Variants in PRRC2C observed in about 807,000 individuals in gnomAD.
The protein encoded by PRRC2C is proline rich coiled-coil 2C, also known as protein PRRC2C.
In PRRC2C, 72 loss-of-function variants were observed where a neutral mutation model predicts 317.2. That is an observed-to-expected ratio of 0.23 (90% confidence interval 0.19 to 0.28). PRRC2C has a LOEUF of 0.28. PRRC2C is among the 10% of genes least tolerant of loss of function. PRRC2C has a pLI of 1.00. For missense variants in PRRC2C, 3,074 were observed against 3,459.7 expected (o/e 0.89, Z 2.80); for synonymous variants, 1,296 against 1,205.9 (o/e 1.07, Z -1.55).
intron 15 of PRRC2C, among the ~76,000 whole-genome samples, chr1:171,538,493 A>C (rs1677283104): frequency 6.6e-6 from 1 of 152,230 alleles, no homozygotes; most frequent in African/African-American, 2.4e-5. Context: ...ATTTATAGCC[A>C]TACAGTTGGA....
intron 11 of PRRC2C, among the ~76,000 whole-genome samples, chr1:171,529,384 A>T (rs1048246699): frequency 6.6e-6 from 1 of 152,136 alleles, no homozygotes; most frequent in Non-Finnish European, 1.5e-5. Context: ...AATATGTCCA[A>T]ACCATAACAC....
At chr1:171,567,912 C>T (rs917911646) in intron 22 of PRRC2C, among the ~76,000 whole-genome samples, 1 of 152,202 alleles carries the variant, frequency 6.6e-6, no homozygotes, top group Admixed American at 6.5e-5. Flanking sequence ...TTTGGCCAGG[C>T]GTGGTGGCTC....
At chr1:171,508,615 C>G (rs1186671828) in intron 1 of PRRC2C, among the ~76,000 whole-genome samples, 1 of 152,166 alleles carries the variant, frequency 6.6e-6, no homozygotes, top group Non-Finnish European at 1.5e-5. Flanking sequence ...ATCGGATGTT[C>G]TATAACCCTG....
At chr1:171,572,975 TTA>T (rs1685037458) in intron 24 of PRRC2C, among the ~76,000 whole-genome samples, 1 of 152,196 alleles carries the variant, frequency 6.6e-6, no homozygotes, top group South Asian at 2.1e-4. Flanking sequence ...CATAGAAAAG[TTA>T]TATTACACAG....
At chr1:171,489,152 T>C (rs988365565) in intron 1 of PRRC2C, among the ~76,000 whole-genome samples, 3 of 152,162 alleles carry the variant, frequency 2.0e-5, no homozygotes, top group African/African-American at 7.2e-5. Flanking sequence ...CACAAAAGAA[T>C]AGACCCACAA....
chr1:171,512,895 C>G, intron 2 of PRRC2C, 100 bp from the exon 3 acceptor site: 1 of 1,033,640 alleles, frequency 9.7e-7, no homozygotes. Flanking sequence ...GAAAATCATT[C>G]AGGGATTGCA....
chr1:171,547,398 T>G (rs1679313412), intron 17 of PRRC2C, among the ~76,000 whole-genome samples: 1 of 152,114 alleles, frequency 6.6e-6, no homozygotes, highest in African/African-American at 2.4e-5. Context: ...ACACACACAT[T>G]TTAGTGTAAG....
chr1:171,498,955 A>T lies in PRRC2C; in HGVS notation c.-57-13077A>T, dbSNP rs563272201. 2.6e-5 allele frequency among the ~76,000 whole-genome samples: 4 copies of T among 151,932 alleles called. 1 individual carries two copies. The highest frequency in any genetic ancestry group is 9.7e-5 in the African/African-American group (4 of 41,424). ...TAGCTGGGACGGGGACTATAAACAT[A>T]CTCTACCATACCTGGCCAATTGTTC... On this transcript the variant is annotated intron_variant, in intron 1 of 34. Transcript: ENST00000647382.
At chr1:171,524,695 T>C in intron 9 of PRRC2C, 126 bp from the exon 10 acceptor site, 1 of 961,806 alleles carries the variant, frequency 1.0e-6, no homozygotes, top group Admixed American at 3.2e-5. Flanking sequence ...CACACACCCA[T>C]CTCATTCCTT....
rs759651471 is a variant in PRRC2C at position 171,517,787 on chromosome 1, C to A, written c.723C>A (p.Ser241=). 2.5e-6 allele frequency: 4 copies of A among 1,613,326 alleles called. No homozygotes were observed. Among genetic ancestry groups the A allele is most frequent in the Non-Finnish European group, 3.4e-6 (4 of 1,179,850 alleles). ...KLNGQQAALA[S]QYRAMMPPYM... ...ATGGACAGCAGGCTGCTCTCGCTTC[C>A]CAGTATAGAGCTATGATGCCTCCTT... The change falls in exon 6 of 35, where the codon TCC becomes TCA. Residue 241 remains serine, a synonymous_variant. Transcript: ENST00000647382.
At position 171,593,098 on chromosome 1, in the gene PRRC2C, T is replaced by G. The variant is rs2102921351; in HGVS notation, c.*1251T>G. 6.6e-6 allele frequency: 1 copy of G among 152,126 alleles called. No individual in the cohort carries two copies. Among genetic ancestry groups the G allele is most frequent in the East Asian group, 1.9e-4 (1 of 5,190 alleles). 9.4% of individuals were successfully genotyped at this position (152,126 alleles called of 1,614,324 possible). On this transcript the variant is annotated 3_prime_UTR_variant, in exon 35 of 35. Transcript: ENST00000647382. Reference sequence around the variant, plus strand: ...AGGTACCACAACAGTAACAGAACTTTGCAATTTTCTGGGGTTTTGTTTTTT... The same window carrying G: ...AGGTACCACAACAGTAACAGAACTTGGCAATTTTCTGGGGTTTTGTTTTTT...
At chr1:171,518,162 T>C (rs757121928) in intron 6 of PRRC2C, among the ~76,000 whole-genome samples, 2 of 152,234 alleles carry the variant, frequency 1.3e-5, no homozygotes, top group Non-Finnish European at 2.9e-5. Flanking sequence ...CACATTACAT[T>C]CAACATTACT....
In PRRC2C at chr1:171,571,352, G is replaced by A. The variant is rs1684741790; in HGVS notation, c.6684G>A (p.Lys2228=). The A allele has an allele frequency of 6.2e-7, 1 of 1,612,112 alleles. No individual in the cohort carries two copies. Among genetic ancestry groups the A allele is most frequent in the Non-Finnish European group, 8.5e-7 (1 of 1,178,250 alleles). The change falls in exon 24 of 35, where the codon AAG becomes AAA. Residue 2228 remains lysine, a synonymous_variant. Coordinates refer to ENST00000647382, the MANE Select transcript of PRRC2C (RefSeq NM_001387844.1). Reference sequence around the variant, plus strand: ...TGCCCAACACCCTTCCCCTCCCTAAGAGGGAGACTATACAACAGAGCTCCA... The same window carrying A: ...TGCCCAACACCCTTCCCCTCCCTAAAAGGGAGACTATACAACAGAGCTCCA... ...VPLPNTLPLP[K]RETIQQSSSL...
intron 23 of PRRC2C, among the ~76,000 whole-genome samples, 171 bp from the exon 24 acceptor site, chr1:171,571,149 T>G: frequency 6.6e-6 from 1 of 152,206 alleles, no homozygotes; most frequent in East Asian, 1.9e-4. Context: ...ATCTGAGGTA[T>G]CCTTAATTAC....
chr1:171,544,560 A>T (rs950163545), intron 16 of PRRC2C, among the ~76,000 whole-genome samples: 1 of 152,234 alleles, frequency 6.6e-6, no homozygotes, highest in Admixed American at 6.5e-5. Context: ...AACCAAAATA[A>T]ACAGAATAGT....
At chr1:171,571,271 C>A in intron 23 of PRRC2C, 49 bp from the exon 24 acceptor site, 1 of 1,110,590 alleles carries the variant, frequency 9.0e-7, no homozygotes, top group Non-Finnish European at 1.4e-6. Context: ...ATGGGGCTTT[C>A]GTAGTAGACA....
intron 1 of PRRC2C, among the ~76,000 whole-genome samples, chr1:171,500,933 T>C (rs920477762): frequency 1.3e-5 from 2 of 152,158 alleles, no homozygotes; most frequent in African/African-American, 4.8e-5. Context: ...GGTCTTACTC[T>C]CTTGGCCTAG....
intron 11 of PRRC2C, among the ~76,000 whole-genome samples, chr1:171,529,161 T>C (rs1675307651): frequency 6.6e-6 from 1 of 152,182 alleles, no homozygotes; most frequent in Non-Finnish European, 1.5e-5. Context: ...TGCTTTCTAT[T>C]CCTTCTGGGC....
At chr1:171,521,887 G>A (rs1673648205) in intron 6 of PRRC2C, among the ~76,000 whole-genome samples, 1 of 152,042 alleles carries the variant, frequency 6.6e-6, no homozygotes. Context: ...TTACTTTAAT[G>A]TGTACATATC....
Sources: gnomAD v4.1 joint callset for allele counts (sites outside exome capture counted in the v4.1 genomes callset) on GRCh38, gnomAD v4.1.1 for gene constraint, MANE v1.5 for transcripts, NCBI Gene and HGNC (gene_info 2026-07-23, HGNC 2026-07-21) for gene names.